The following LRRFIP2 variants were observed in gnomAD, a reference collection of about 807,000 sequenced individuals.
LRRFIP2 encodes leucine-rich repeat flightless-interacting protein 2.
LRRFIP2 carries 109 observed loss-of-function variants against 125.9 expected under a neutral mutation model. The observed-to-expected ratio is 0.87, with a 90% CI of 0.74 to 1.01. The LOEUF is 1.01. LRRFIP2 is among the 50% of genes least tolerant of loss of function. The probability of loss-of-function intolerance (pLI) is 0.00; values close to 1 mark genes in which losing one functional copy is unlikely to be tolerated. For missense variants in LRRFIP2, 850 were observed against 862.3 expected (o/e 0.99, Z 0.18); for synonymous variants, 291 against 293.1 (o/e 0.99, Z 0.07).
intron 17 of LRRFIP2, among the ~76,000 whole-genome samples, chr3:37,094,536 G>GT (rs959084271): frequency 2.0e-5 from 3 of 151,630 alleles, no homozygotes; most frequent in Admixed American, 6.6e-5. Context: ...TACAAAGTGG[G>GT]TTTTTTTTGG....
Position 37,072,840 on chromosome 3 carries a change from C to T in LRRFIP2, c.1414G>A (p.Glu472Lys), listed in dbSNP as rs753337805. The T allele has an allele frequency of 1.2e-6, 2 of 1,613,288 alleles. No individual in the cohort carries two copies. The highest frequency in any genetic ancestry group is 2.2e-5 in the South Asian group (2 of 90,918). ...AGTGTCTCCTGGAGGTCAAACACCTCTTTTGTCATGGTGTCTATTTTCTGC... is the reference window on the plus strand; with the variant it reads ...AGTGTCTCCTGGAGGTCAAACACCTTTTTTGTCATGGTGTCTATTTTCTGC... ...MQQKIDTMTK[E>K]VFDLQETLLW... Residue 472 changes from glutamate to lysine, a missense_variant, in exon 21 of 28, where the codon GAG becomes AAG. Coordinates refer to ENST00000336686, the MANE Select transcript of LRRFIP2 (RefSeq NM_006309.4).
intron 18 of LRRFIP2, among the ~76,000 whole-genome samples, chr3:37,084,428 C>T (rs1346719295): frequency 6.6e-6 from 1 of 151,828 alleles, no homozygotes; most frequent in African/African-American, 2.4e-5. Flanking sequence ...TTTGGGAGGC[C>T]AAGGGGGTAG....
intron 2 of LRRFIP2, among the ~76,000 whole-genome samples, chr3:37,137,085 C>A (rs181598691): frequency 2.6e-3 from 393 of 152,072 alleles, no homozygotes; most frequent in Middle Eastern, 6.8e-3. Flanking sequence ...TTTCCCATCT[C>A]AGCCTCCTGA....
chr3:37,137,453 A>G (rs1001262600), intron 2 of LRRFIP2, among the ~76,000 whole-genome samples: 2 of 152,182 alleles, frequency 1.3e-5, no homozygotes, highest in African/African-American at 2.4e-5. Context: ...GTATAATTGC[A>G]TATCCTTAGA....
intron 1 of LRRFIP2, among the ~76,000 whole-genome samples, chr3:37,173,196 T>G (rs973157276): frequency 7.0e-6 from 1 of 142,784 alleles, no homozygotes; most frequent in African/African-American, 2.6e-5. Flanking sequence ...AGACTCCACC[T>G]AAAAAAAAAA....
intron 2 of LRRFIP2, among the ~76,000 whole-genome samples, chr3:37,144,784 T>C (rs1276234229): frequency 1.3e-5 from 2 of 152,180 alleles, no homozygotes; most frequent in East Asian, 3.8e-4. Flanking sequence ...GCCACACATA[T>C]GTTCCATAAC....
chr3:37,129,599 AC>A (rs2095374155), intron 2 of LRRFIP2, among the ~76,000 whole-genome samples: 1 of 151,978 alleles, frequency 6.6e-6, no homozygotes, highest in South Asian at 2.1e-4. Flanking sequence ...CTTTATTCTC[AC>A]TGTTCCTGCT....
At chr3:37,059,053 T>C (rs2087747593) in intron 24 of LRRFIP2, 143 bp from the exon 25 acceptor site, 2 of 965,334 alleles carry the variant, frequency 2.1e-6, no homozygotes, top group Non-Finnish European at 1.5e-6. Context: ...GAGTGCCTAA[T>C]AGGAGACACA....
chr3:37,131,511 A>T (rs1472380757), intron 2 of LRRFIP2, among the ~76,000 whole-genome samples: 1 of 152,238 alleles, frequency 6.6e-6, no homozygotes, highest in Non-Finnish European at 1.5e-5. Context: ...TTAATGTGCC[A>T]CATGAAACTT....
Position 37,121,668 on chromosome 3 carries a change from A to G in LRRFIP2, c.252T>C (p.Tyr84=), listed in dbSNP as rs1440039214. ...GACGATGGTGACTGGACCGGTGGGA[A>G]TACCTGGCCCTTTCCGAATCTTCCT... ...KWLEDSERAR[Y]SHRSSHHRPY... The change falls in exon 5 of 28, where the codon TAT becomes TAC. Residue 84 remains tyrosine, a synonymous_variant. Coordinates refer to ENST00000336686, the MANE Select transcript of LRRFIP2 (RefSeq NM_006309.4). 3.1e-6 allele frequency: 5 copies of G among 1,614,194 alleles called. No homozygotes were observed. The highest frequency in any genetic ancestry group is 1.1e-5 in the South Asian group (1 of 91,080).
chr3:37,110,107 C>T (rs2094495948), intron 9 of LRRFIP2, among the ~76,000 whole-genome samples: 1 of 152,178 alleles, frequency 6.6e-6, no homozygotes, highest in South Asian at 2.1e-4. Context: ...TTATGACCAA[C>T]TCCTAATTGG....
At chr3:37,113,275 C>T (rs2094622007) in intron 7 of LRRFIP2, among the ~76,000 whole-genome samples, 1 of 152,110 alleles carries the variant, frequency 6.6e-6, no homozygotes, top group Non-Finnish European at 1.5e-5. Context: ...TTTGTGGAGA[C>T]CTTCACACCA....
At chr3:37,160,950 C>T (rs1257268427) in intron 1 of LRRFIP2, among the ~76,000 whole-genome samples, 1 of 152,104 alleles carries the variant, frequency 6.6e-6, no homozygotes, top group Non-Finnish European at 1.5e-5. Flanking sequence ...AGCACTACTC[C>T]TAACAGCCAA....
At chr3:37,136,956 T>TTG (rs1560015939) in intron 2 of LRRFIP2, among the ~76,000 whole-genome samples, 1 of 111,266 alleles carries the variant, frequency 9.0e-6, no homozygotes, top group Non-Finnish European at 1.8e-5. Flanking sequence ...CTTTCTTTTT[T>TTG]GGGGGGGGTG....
intron 15 of LRRFIP2, among the ~76,000 whole-genome samples, chr3:37,099,850 G>A (rs1233956818): frequency 6.6e-6 from 1 of 152,140 alleles, no homozygotes; most frequent in Non-Finnish European, 1.5e-5. Context: ...TAGCTCAGAA[G>A]TTATAAACTA....
At position 37,060,911 on chromosome 3, in the gene LRRFIP2, C is replaced by T. The variant is rs1345371605; in HGVS notation, c.1750-2001G>A. Among the ~76,000 whole-genome samples, 1 of 152,126 alleles carries T rather than the reference C, an allele frequency of 6.6e-6. No individual in the cohort carries two copies. Among genetic ancestry groups the T allele is most frequent in the African/African-American group, 2.4e-5 (1 of 41,408 alleles). Reference sequence around the variant, plus strand: ...TGATCTCTCAATTTCTGGTATATCTCCTCTTACGGTTTGGATGTCTGTCCC... The same window carrying T: ...TGATCTCTCAATTTCTGGTATATCTTCTCTTACGGTTTGGATGTCTGTCCC... On this transcript the variant is annotated intron_variant, in intron 24 of 27. Transcript: ENST00000336686. The surrounding 1 kb of genome is among the most constrained non-coding windows in gnomAD (Gnocchi z 4.1).
intron 6 of LRRFIP2, 96 bp from the exon 7 acceptor site, chr3:37,115,191 C>A: frequency 2.5e-6 from 2 of 810,424 alleles, no homozygotes; most frequent in Non-Finnish European, 2.0e-6. Flanking sequence ...AAAAATCCAG[C>A]ACTATTTTAA....
In LRRFIP2 at chr3:37,105,499, T is replaced by C. The variant is rs766770069; in HGVS notation, c.739A>G (p.Ile247Val). ...CGACTGGCACGATCAGAAGACACAA[T>C]GCTTGCAGTGTCATCGTTGGTAAAC... ...PGFTNDDTAS[I>V]VSSDRASRGR... Residue 247 changes from isoleucine to valine, a missense_variant, in exon 14 of 28, where the codon ATT becomes GTT. Coordinates refer to ENST00000336686, the MANE Select transcript of LRRFIP2 (RefSeq NM_006309.4). 4 of 1,613,832 alleles carry C rather than the reference T, an allele frequency of 2.5e-6. No individual in the cohort carries two copies. Among genetic ancestry groups the C allele is most frequent in the East Asian group, 2.2e-5 (1 of 44,824 alleles).
chr3:37,136,751 C>T (rs980599607), intron 2 of LRRFIP2, among the ~76,000 whole-genome samples: 1 of 152,036 alleles, frequency 6.6e-6, no homozygotes, highest in Non-Finnish European at 1.5e-5. Flanking sequence ...CCAAGAAACA[C>T]AGTTTGGGAA....
Sources: allele counts gnomAD v4.1 joint callset (sites outside exome capture counted in the v4.1 genomes callset), GRCh38; gene constraint gnomAD v4.1.1; non-coding constraint Gnocchi (gnomAD v3.1); transcripts MANE v1.5; gene names NCBI Gene and HGNC (gene_info 2026-07-23, HGNC 2026-07-21).